The following LRP12 variants were observed in gnomAD, a reference collection of about 807,000 sequenced individuals.
LRP12 encodes the protein LDL receptor related protein 12, also known as low-density lipoprotein receptor-related protein 12.
A neutral mutation model predicts 66.0 loss-of-function variants in LRP12; 14 were observed. That is an observed-to-expected ratio of 0.21 (90% CI 0.14 to 0.33). The LOEUF is 0.33. Among genes scored for constraint, LRP12 ranks in the 10% least tolerant of loss-of-function variants. The probability of loss-of-function intolerance (pLI) is 1.00; values close to 1 mark genes in which losing one functional copy is unlikely to be tolerated. For synonymous variants in LRP12, 357 were observed against 359.1 expected (o/e 0.99, Z 0.07); for missense variants, 889 against 1,053.4 (o/e 0.84, Z 2.16).
In LRP12 at chr8:104,547,194, T is replaced by C. The variant is rs1203914946; in HGVS notation, c.80-15231A>G. Among the ~76,000 whole-genome samples, 3 of 139,128 alleles carry C rather than the reference T, an allele frequency of 2.2e-5. 1 individual carries two copies. Among genetic ancestry groups the C allele is most frequent in the African/African-American group, 8.1e-5 (3 of 36,886 alleles). 91.3% of individuals were successfully genotyped at this position (139,128 alleles called of 152,430 possible). On this transcript the variant is annotated intron_variant, in intron 1 of 6. Transcript: ENST00000276654. ...ATATAATATACAATTCTATGTTATA[T>C]CATATTTTGTATATAATATACAATT...
chr8:104,548,054 A>AT (rs1811628839), intron 1 of LRP12, among the ~76,000 whole-genome samples: 1 of 120,688 alleles, frequency 8.3e-6, no homozygotes, highest in South Asian at 2.4e-4. Context: ...GTTATATTAT[A>AT]TTTTGTATAT....
At chr8:104,566,668 A>C (rs1812008845) in intron 1 of LRP12, among the ~76,000 whole-genome samples, 1 of 152,222 alleles carries the variant, frequency 6.6e-6, no homozygotes, top group African/African-American at 2.4e-5. Flanking sequence ...GGTTGTGGGA[A>C]GATCTGACAA....
intron 2 of LRP12, among the ~76,000 whole-genome samples, chr8:104,519,042 T>C (rs1034108437): frequency 4.6e-5 from 7 of 152,080 alleles, no homozygotes; most frequent in African/African-American, 1.7e-4. Flanking sequence ...TGGACTGCCA[T>C]GTATAACATA....
chr8:104,521,577 C>A (rs1465316598), intron 2 of LRP12, among the ~76,000 whole-genome samples: 1 of 151,246 alleles, frequency 6.6e-6, no homozygotes, highest in Non-Finnish European at 1.5e-5. Flanking sequence ...TAGACAATGA[C>A]TTTAAAAATT....
chr8:104,525,559 G>A, intron 2 of LRP12, among the ~76,000 whole-genome samples: 1 of 152,132 alleles, frequency 6.6e-6, no homozygotes, highest in South Asian at 2.1e-4. Context: ...TTAATACTAT[G>A]CCTAATAAGA....
Position 104,491,205 on chromosome 8 carries a change from G to A in LRP12, c.2048C>T (p.Thr683Met), listed in dbSNP as rs147788045. The A allele has an allele frequency of 3.0e-5, 49 of 1,613,882 alleles. No homozygotes were observed. Among genetic ancestry groups the A allele is most frequent in the East Asian group, 1.3e-4 (6 of 44,874 alleles). ...APLPQKVPPTTAVEATVGACA... is the reference protein window; with the variant it reads ...APLPQKVPPTMAVEATVGACA... ...TGCTCCTACTGTCGCTTCTACTGCC[G>A]TTGTGGGAGGGACTTTTTGAGGCAA... The change falls in exon 7 of 7, where the codon ACG (threonine) becomes ATG (methionine). Residue 683 changes from threonine to methionine, a missense_variant. Coordinates refer to ENST00000276654, the MANE Select transcript of LRP12 (RefSeq NM_013437.5).
At chr8:104,564,683 C>T (rs1178573262) in intron 1 of LRP12, among the ~76,000 whole-genome samples, 1 of 151,896 alleles carries the variant, frequency 6.6e-6, no homozygotes, top group African/African-American at 2.4e-5. Context: ...GTAATTCCAG[C>T]ACTTTGGGAG....
chr8:104,490,670 T>C lies in LRP12; in HGVS notation c.*3A>G. The C allele has an allele frequency of 6.2e-7, 1 of 1,606,326 alleles. No homozygotes were observed. The highest frequency in any genetic ancestry group is 1.7e-4 in the Middle Eastern group (1 of 5,984). On this transcript the variant is annotated 3_prime_UTR_variant, in exon 7 of 7. Coordinates refer to ENST00000276654, the MANE Select transcript of LRP12 (RefSeq NM_013437.5). ...TATACAATCTCCCTTATGTGATTCG[T>C]ACCTAACAAAGTAACAAAGCCTCAT...
At chr8:104,501,868 T>C (rs569369677) in intron 3 of LRP12, among the ~76,000 whole-genome samples, 2 of 152,370 alleles carry the variant, frequency 1.3e-5, no homozygotes, top group South Asian at 2.1e-4. Context: ...TTTTGCTTTG[T>C]GTTTAGTGCA....
At chr8:104,571,895 A>G in intron 1 of LRP12, among the ~76,000 whole-genome samples, 1 of 152,178 alleles carries the variant, frequency 6.6e-6, no homozygotes. Context: ...CTTCCACAAA[A>G]CTGGTCCCTG....
intron 1 of LRP12, among the ~76,000 whole-genome samples, chr8:104,574,529 A>G (rs1183394554): frequency 6.6e-6 from 1 of 152,156 alleles, no homozygotes; most frequent in Non-Finnish European, 1.5e-5. Context: ...TTTGTCACAC[A>G]TTATATACCT....
At chr8:104,540,881 G>A (rs1243476759) in intron 1 of LRP12, among the ~76,000 whole-genome samples, 3 of 152,090 alleles carry the variant, frequency 2.0e-5, no homozygotes, top group South Asian at 2.1e-4. Context: ...TTACAGGCAC[G>A]TGCCATCACG....
chr8:104,549,706 C>A (rs1811699087), intron 1 of LRP12, among the ~76,000 whole-genome samples: 1 of 152,108 alleles, frequency 6.6e-6, no homozygotes, highest in Admixed American at 6.6e-5. Context: ...CCGGCCTCCA[C>A]TTTTCTTAAA....
chr8:104,527,603 G>A (rs1235965855), intron 2 of LRP12, among the ~76,000 whole-genome samples: 1 of 151,894 alleles, frequency 6.6e-6, no homozygotes, highest in African/African-American at 2.4e-5. Flanking sequence ...AACACCGCAT[G>A]TTCTCACTCA....
At chr8:104,561,348 G>T (rs931120735) in intron 1 of LRP12, among the ~76,000 whole-genome samples, 1 of 152,122 alleles carries the variant, frequency 6.6e-6, no homozygotes, top group African/African-American at 2.4e-5. Flanking sequence ...CTTTTCATAA[G>T]ACTCAGATTA....
intron 1 of LRP12, among the ~76,000 whole-genome samples, chr8:104,544,036 A>G (rs1463017004): frequency 5.9e-5 from 9 of 152,232 alleles, no homozygotes; most frequent in Non-Finnish European, 1.2e-4. Context: ...TGCAAAAGAA[A>G]AAGTTTCTAA....
chr8:104,530,981 G>T (rs550336516), intron 2 of LRP12, among the ~76,000 whole-genome samples: 55 of 152,260 alleles, frequency 3.6e-4, no homozygotes, highest in African/African-American at 1.3e-3. Flanking sequence ...TGTTGGGCTT[G>T]ATGTGTTTGA....
intron 1 of LRP12, among the ~76,000 whole-genome samples, chr8:104,564,953 A>G (rs1232083568): frequency 6.6e-6 from 1 of 152,014 alleles, no homozygotes; most frequent in Non-Finnish European, 1.5e-5. Flanking sequence ...AAAATCATAA[A>G]TAGACGTATT....
chr8:104,581,221 G>A (rs191357018), intron 1 of LRP12, among the ~76,000 whole-genome samples: 1 of 152,206 alleles, frequency 6.6e-6, no homozygotes, highest in Non-Finnish European at 1.5e-5. Context: ...CTTATAAGTG[G>A]GAGCTAAATG....
Sources: gnomAD v4.1 joint callset for allele counts (sites outside exome capture counted in the v4.1 genomes callset) on GRCh38, gnomAD v4.1.1 for gene constraint, MANE v1.5 for transcripts, NCBI Gene and HGNC (gene_info 2026-07-23, HGNC 2026-07-21) for gene names.